Variants in PTK2 observed in about 807,000 individuals in gnomAD.
PTK2 encodes protein tyrosine kinase 2.
In PTK2, 45 loss-of-function variants were observed where a neutral mutation model predicts 150.1. The observed-to-expected ratio is 0.30, with a 90% CI of 0.24 to 0.38. The LOEUF (loss-of-function observed/expected upper bound fraction) is 0.38. Ranked by LOEUF, PTK2 falls within the 10% of genes least tolerant of loss-of-function variation. PTK2 has a pLI of 1.00. For synonymous variants in PTK2, 432 were observed against 449.2 expected (o/e 0.96, Z 0.48); for missense variants, 919 against 1,307.3 (o/e 0.70, Z 4.58).
chr8:140,824,256 G>C (rs1481345226), intron 8 of PTK2, among the ~76,000 whole-genome samples: 1 of 152,160 alleles, frequency 6.6e-6, no homozygotes, highest in Admixed American at 6.6e-5. Context: ...AGACAATCTG[G>C]ACTCCAATTT....
At chr8:140,694,168 G>T (rs1387040465) in intron 26 of PTK2, among the ~76,000 whole-genome samples, 1 of 151,666 alleles carries the variant, frequency 6.6e-6, no homozygotes, top group African/African-American at 2.4e-5. Flanking sequence ...AGCCTCCTGA[G>T]TAGCTGGGAC....
At chr8:140,895,261 A>T (rs2100155694) in intron 2 of PTK2, among the ~76,000 whole-genome samples, 1 of 152,178 alleles carries the variant, frequency 6.6e-6, no homozygotes, top group African/African-American at 2.4e-5. Context: ...GGCACAGTGA[A>T]TCACGCCTGT....
intron 29 of PTK2, 179 bp from the exon 34 acceptor site, chr8:140,668,603 G>T: frequency 1.6e-6 from 1 of 607,970 alleles, no homozygotes; most frequent in Non-Finnish European, 2.6e-6. Flanking sequence ...TCCTCCAAGT[G>T]ACAAATTAGG....
At chr8:140,895,836 A>G (rs2100155981) in intron 2 of PTK2, among the ~76,000 whole-genome samples, 1 of 152,042 alleles carries the variant, frequency 6.6e-6, no homozygotes, top group African/African-American at 2.4e-5. Context: ...TACCCCATAA[A>G]TATATATATA....
At chr8:140,667,591 A>C (rs887174597) in intron 30 of PTK2, among the ~76,000 whole-genome samples, 1 of 151,928 alleles carries the variant, frequency 6.6e-6, no homozygotes, top group Non-Finnish European at 1.5e-5. Flanking sequence ...ATGAGCCACC[A>C]CACTCAGCCC....
chr8:140,999,696 G>A (rs2154610486), intron 1 of PTK2, among the ~76,000 whole-genome samples: 1 of 152,250 alleles, frequency 6.6e-6, no homozygotes. Flanking sequence ...AATATGGGAC[G>A]GAGTGCTCAA....
intron 23 of PTK2, among the ~76,000 whole-genome samples, chr8:140,712,481 A>G (rs879512509): frequency 1.3e-5 from 2 of 152,216 alleles, no homozygotes; most frequent in Non-Finnish European, 2.9e-5. Context: ...TGCAAGTGGT[A>G]GCTTCTTAAA....
chr8:140,907,821 T>C (rs1247163514), intron 2 of PTK2, among the ~76,000 whole-genome samples: 2 of 152,152 alleles, frequency 1.3e-5, no homozygotes, highest in Non-Finnish European at 2.9e-5. Context: ...TACGTGTGTG[T>C]CCTAACTGCT....
At chr8:140,991,522 C>A (rs1300596114) in intron 1 of PTK2, among the ~76,000 whole-genome samples, 2 of 152,150 alleles carry the variant, frequency 1.3e-5, no homozygotes, top group African/African-American at 4.8e-5. Flanking sequence ...TTTTGAAAAT[C>A]CTAAAAAACA....
chr8:140,917,925 G>T (rs921569988), intron 2 of PTK2, among the ~76,000 whole-genome samples: 1 of 152,186 alleles, frequency 6.6e-6, no homozygotes, highest in Non-Finnish European at 1.5e-5. Flanking sequence ...GATTCCCACA[G>T]TAATTTTTGC....
chr8:140,904,126 T>C (rs1601870743), intron 2 of PTK2, among the ~76,000 whole-genome samples: 1 of 152,238 alleles, frequency 6.6e-6, no homozygotes, highest in Non-Finnish European at 1.5e-5. Context: ...AGTATGGTAT[T>C]AGCTGTGGGT....
chr8:140,799,591 A>G (rs767818321), intron 12 of PTK2, among the ~76,000 whole-genome samples: 11 of 152,240 alleles, frequency 7.2e-5, no homozygotes, highest in Non-Finnish European at 1.5e-4. Flanking sequence ...AGGCTGATAC[A>G]GTGTCAAGAT....
At chr8:140,851,749 C>T (rs996774591) in intron 5 of PTK2, among the ~76,000 whole-genome samples, 1 of 151,646 alleles carries the variant, frequency 6.6e-6, no homozygotes, top group African/African-American at 2.4e-5. Flanking sequence ...GTCCCAGCTA[C>T]ACGGGAGGCT....
intron 7 of PTK2, among the ~76,000 whole-genome samples, chr8:140,835,185 C>G (rs1045922743): frequency 6.6e-6 from 1 of 152,232 alleles, no homozygotes; most frequent in Non-Finnish European, 1.5e-5. Flanking sequence ...CATAACACAG[C>G]TGGCTTTTAG....
At chr8:140,880,002 A>G (rs1237092890) in intron 3 of PTK2, among the ~76,000 whole-genome samples, 2 of 152,182 alleles carry the variant, frequency 1.3e-5, no homozygotes, top group African/African-American at 4.8e-5. Context: ...TCTTTCAGTT[A>G]CTACTTTCTA....
intron 29 of PTK2, among the ~76,000 whole-genome samples, chr8:140,670,502 C>T (rs1398891391): frequency 2.1e-5 from 1 of 47,522 alleles, no homozygotes; most frequent in Non-Finnish European, 6.1e-5. Flanking sequence ...CACACACACA[C>T]ACACACACAC....
intron 27 of PTK2, among the ~76,000 whole-genome samples, chr8:140,679,659 G>A (rs935370353): frequency 3.3e-5 from 5 of 152,100 alleles, no homozygotes; most frequent in African/African-American, 9.7e-5. Flanking sequence ...AAGACAACTG[G>A]GTTGTCATCA....
chr8:140,694,991 G>T (rs1035970514), intron 26 of PTK2, among the ~76,000 whole-genome samples: 15 of 152,168 alleles, frequency 9.9e-5, no homozygotes, highest in Non-Finnish European at 1.6e-4. Context: ...TTTCCATGCG[G>T]CTGTCTAAAA....
intron 1 of PTK2, among the ~76,000 whole-genome samples, chr8:140,978,080 C>T (rs1475109395): frequency 6.6e-6 from 1 of 152,162 alleles, no homozygotes; most frequent in African/African-American, 2.4e-5. Flanking sequence ...ATCTGGATCC[C>T]TTCCTTACAC....
Sources: allele counts gnomAD v4.1 joint callset (sites outside exome capture counted in the v4.1 genomes callset), GRCh38; gene constraint gnomAD v4.1.1; transcripts MANE v1.5; gene names NCBI Gene and HGNC (gene_info 2026-07-23, HGNC 2026-07-21).